SLC16A2: variants seen among roughly 807,000 people sequenced by gnomAD.
The protein encoded by SLC16A2 is solute carrier family 16 member 2, also known as monocarboxylate transporter 8.
SLC16A2 carries 3 observed loss-of-function variants against 27.2 expected under a neutral mutation model. That is an observed-to-expected ratio of 0.11 (90% CI 0.05 to 0.28). The LOEUF (loss-of-function observed/expected upper bound fraction) is 0.28. Ranked by LOEUF, SLC16A2 falls within the 10% of genes least tolerant of loss-of-function variation. The probability of loss-of-function intolerance (pLI) is 1.00; values close to 1 mark genes in which losing one functional copy is unlikely to be tolerated. For missense variants in SLC16A2, 295 were observed against 458.5 expected, an observed-to-expected ratio of 0.64 and a Z score of 3.26; for synonymous variants, 202 against 187.8, an observed-to-expected ratio of 1.08 and a Z score of -0.62.
chrX:74,491,329 C>A (rs1233998914), intron 1 of SLC16A2, among the ~76,000 whole-genome samples: 1 of 111,710 alleles, frequency 9.0e-6, no homozygotes, highest in African/African-American at 3.3e-5. Context: ...GAAGCTGGGG[C>A]TTCCAGGCCA....
At chrX:74,442,889 G>A (rs1040723048) in intron 1 of SLC16A2, among the ~76,000 whole-genome samples, 13 of 111,678 alleles carry the variant, frequency 1.2e-4, no homozygotes, top group African/African-American at 3.6e-4. Context: ...CCCAGGAGGC[G>A]GAGGTTGCAG....
chrX:74,523,450 AC>A (rs1441542946), intron 2 of SLC16A2, among the ~76,000 whole-genome samples: 1 of 112,167 alleles, frequency 8.9e-6, no homozygotes, highest in African/African-American at 3.2e-5. Context: ...CAAAAAGAAA[AC>A]AAAATTCTTT....
chrX:74,512,524 C>G (rs1375931757), intron 1 of SLC16A2, among the ~76,000 whole-genome samples: 1 of 112,066 alleles, frequency 8.9e-6, no homozygotes, highest in African/African-American at 3.2e-5. Context: ...CCGTCATTCC[C>G]TCATTTGAGC....
chrX:74,506,933 A>ATTT (rs1481294733), intron 1 of SLC16A2, among the ~76,000 whole-genome samples: 60 of 29,942 alleles, frequency 2.0e-3, no homozygotes, highest in African/African-American at 3.7e-3. Flanking sequence ...TTATTTATTT[A>ATTT]TTTATTTTTT....
At chrX:74,480,687 G>C (rs573805783) in intron 1 of SLC16A2, among the ~76,000 whole-genome samples, 1 of 112,682 alleles carries the variant, frequency 8.9e-6, no homozygotes, top group South Asian at 3.7e-4. Flanking sequence ...AATAGAGGTA[G>C]TTTTATTTTT....
intron 1 of SLC16A2, among the ~76,000 whole-genome samples, chrX:74,437,643 G>A (rs1046707509): frequency 8.9e-6 from 1 of 112,113 alleles, no homozygotes; most frequent in Admixed American, 9.5e-5. Context: ...CCTGGATAAC[G>A]GAGGTCAGCA....
At chrX:74,484,719 G>A (rs1929684379) in intron 1 of SLC16A2, among the ~76,000 whole-genome samples, 1 of 111,526 alleles carries the variant, frequency 9.0e-6, no homozygotes, top group Non-Finnish European at 1.9e-5. Context: ...GCCAAGATTT[G>A]GCACAGGAAA....
At position 74,495,368 on chromosome X, in the gene SLC16A2, G is replaced by A. The variant is rs1929914712; in HGVS notation, c.431-25622G>A. ...AACATCCTGGGCCTGAGCATCCTGA[G>A]GACAGGGGCTTTGGCCTCACCTCTC... On this transcript the variant is annotated intron_variant, in intron 1 of 5. Transcript: ENST00000587091. Among the ~76,000 whole-genome samples, 4 of 109,441 alleles carry A rather than the reference G, an allele frequency of 3.7e-5. 1 individual carries two copies. In the South Asian group the frequency reaches 1.6e-3, roughly 43 times the overall value.
At chrX:74,480,150 C>T (rs1011266780) in intron 1 of SLC16A2, among the ~76,000 whole-genome samples, 14 of 112,117 alleles carry the variant, frequency 1.2e-4, no homozygotes, top group Non-Finnish European at 2.3e-4. Context: ...GCTTCCTGGC[C>T]GCTTTGTTTA....
In SLC16A2 at chrX:74,437,422, T is replaced by A. The variant is rs1331174988; in HGVS notation, c.430+15355T>A. 2.7e-5 allele frequency among the ~76,000 whole-genome samples: 3 copies of A among 112,245 alleles called. No homozygotes were observed. In the Admixed American group the frequency reaches 2.8e-4, roughly 11 times the overall value. On this transcript the variant is annotated intron_variant, in intron 1 of 5. Coordinates refer to ENST00000587091, the MANE Select transcript of SLC16A2 (RefSeq NM_006517.5). ...CCCTAACTTGTTCAAGGACTTCAGT[T>A]CAGTGTTCCCGGAAAACTTGGAGTC...
At chrX:74,457,196 T>C (rs781639313) in intron 1 of SLC16A2, among the ~76,000 whole-genome samples, 213 of 111,722 alleles carry the variant, frequency 1.9e-3, no homozygotes, top group Non-Finnish European at 3.2e-3. Flanking sequence ...TTTTTTATTA[T>C]ACTTTAAGTT....
chrX:74,485,873 G>T (rs373486630), intron 1 of SLC16A2, among the ~76,000 whole-genome samples: 82 of 110,685 alleles, frequency 7.4e-4, no homozygotes, highest in African/African-American at 2.7e-3. Flanking sequence ...AGTCAGAAGT[G>T]GGTCTGGGAT....
In SLC16A2 at chrX:74,430,902, C is replaced by G. The variant is rs142002057; in HGVS notation, c.430+8835C>G. Among the ~76,000 whole-genome samples the G allele has an allele frequency of 7.9e-3, 882 of 112,208 alleles. 14 individuals carry two copies. Among genetic ancestry groups the G allele is most frequent in the African/African-American group, 0.027 (838 of 30,888 alleles). Reference sequence around the variant, plus strand: ...GACTACAGGTGCACATGACCACACCCAGCTAATTTTTGTATTTTTTGTAGA... The same window carrying G: ...GACTACAGGTGCACATGACCACACCGAGCTAATTTTTGTATTTTTTGTAGA... On this transcript the variant is annotated intron_variant, in intron 1 of 5. Transcript: ENST00000587091.
intron 1 of SLC16A2, among the ~76,000 whole-genome samples, chrX:74,477,410 G>T (rs1929504975): frequency 9.0e-6 from 1 of 110,923 alleles, no homozygotes; most frequent in Non-Finnish European, 1.9e-5. Flanking sequence ...TATCCATTTT[G>T]TTGATCTTTT....
At chrX:74,483,406 G>C (rs1413616743) in intron 1 of SLC16A2, among the ~76,000 whole-genome samples, 1 of 111,473 alleles carries the variant, frequency 9.0e-6, no homozygotes, top group Non-Finnish European at 1.9e-5. Context: ...GTTCTTCTTA[G>C]CTTTTTCTCT....
chrX:74,533,457 G>C lies in SLC16A2; in HGVS notation c.*1904G>C, dbSNP rs924651314. 1 of 112,276 alleles carries C rather than the reference G, an allele frequency of 8.9e-6. No individual in the cohort carries two copies. Among genetic ancestry groups the C allele is most frequent in the Non-Finnish European group, 1.9e-5 (1 of 53,196 alleles). 9.3% of individuals were successfully genotyped at this position (112,276 alleles called of 1,213,427 possible). ...GAACAGGAGAATCTGGGCCCTAGGAGCCCTGTAACTCCCAGGAGAGACCAC... is the reference window on the plus strand; with the variant it reads ...GAACAGGAGAATCTGGGCCCTAGGACCCCTGTAACTCCCAGGAGAGACCAC... On this transcript the variant is annotated 3_prime_UTR_variant, in exon 6 of 6. Transcript: ENST00000587091.
At chrX:74,499,372 C>T (rs1929988974) in intron 1 of SLC16A2, among the ~76,000 whole-genome samples, 1 of 110,526 alleles carries the variant, frequency 9.0e-6, no homozygotes, top group Non-Finnish European at 1.9e-5. Flanking sequence ...TCATCTCCTC[C>T]TCAATATTCA....
At chrX:74,519,961 G>A (rs1930381243) in intron 1 of SLC16A2, among the ~76,000 whole-genome samples, 1 of 111,136 alleles carries the variant, frequency 9.0e-6, no homozygotes, top group African/African-American at 3.3e-5. Context: ...GCCAGGCAGA[G>A]AGGGCTCAGG....
intron 1 of SLC16A2, among the ~76,000 whole-genome samples, chrX:74,429,943 G>A (rs971819127): frequency 8.9e-6 from 1 of 111,860 alleles, no homozygotes; most frequent in African/African-American, 3.3e-5. Context: ...CCTGCTACTG[G>A]GAAAAAAATG....
Sources: allele counts gnomAD v4.1 joint callset (sites outside exome capture counted in the v4.1 genomes callset), GRCh38; gene constraint gnomAD v4.1.1; transcripts MANE v1.5; gene names NCBI Gene and HGNC (gene_info 2026-07-23, HGNC 2026-07-21).